EPHA5: variants seen among roughly 807,000 people sequenced by gnomAD.
The protein encoded by EPHA5 is EPH receptor A5, also known as ephrin type-A receptor 5.
A neutral mutation model predicts 105.0 loss-of-function variants in EPHA5; 60 were observed. The ratio of observed to expected loss-of-function variants is 0.57; its 90% confidence interval spans 0.46 to 0.71. The LOEUF (loss-of-function observed/expected upper bound fraction) is 0.71. Among genes scored for constraint, EPHA5 ranks in the 30% least tolerant of loss-of-function variants. EPHA5 has a pLI of 0.00. For missense variants in EPHA5, 1,218 were observed against 1,274.7 expected (o/e 0.96, Z 0.68); for synonymous variants, 513 against 449.1 (o/e 1.14, Z -1.80).
intron 5 of EPHA5, among the ~76,000 whole-genome samples, chr4:65,422,192 T>C (rs1724009833): frequency 3.3e-5 from 5 of 152,224 alleles, no homozygotes; most frequent in Admixed American, 3.3e-4. Flanking sequence ...AGACCATTTC[T>C]GAGCTCAGAA....
chr4:65,397,183 C>T (rs1721326845), intron 8 of EPHA5, among the ~76,000 whole-genome samples: 1 of 152,132 alleles, frequency 6.6e-6, no homozygotes, highest in Non-Finnish European at 1.5e-5. Context: ...GACTGATGGG[C>T]CCTGGGGTAC....
intron 8 of EPHA5, among the ~76,000 whole-genome samples, chr4:65,388,892 G>T (rs1426435677): frequency 4.0e-5 from 6 of 151,860 alleles, no homozygotes; most frequent in African/African-American, 9.7e-5. Context: ...CCTTGCCCAT[G>T]CCTATGTCCT....
rs766169710 is a variant in EPHA5, at chr4:65,322,832, G to A, written c.*1282C>T. 8.7e-6 allele frequency: 2 copies of A among 228,708 alleles called. No individual in the cohort carries two copies. The highest frequency in any genetic ancestry group is 2.2e-5 in the African/African-American group (1 of 45,016). 14.2% of individuals were successfully genotyped at this position (228,708 alleles called of 1,614,324 possible). On this transcript the variant is annotated 3_prime_UTR_variant, in exon 17 of 17. Coordinates refer to ENST00000613740, the MANE Select transcript of EPHA5 (RefSeq NM_001281766.3). ...GAAATAAGCATATATATATATTTGT[G>A]TGTGTGTATGTGTATATATATATAT...
chr4:65,561,456 G>A (rs1327973707), intron 3 of EPHA5, among the ~76,000 whole-genome samples: 1 of 152,062 alleles, frequency 6.6e-6, no homozygotes, highest in Non-Finnish European at 1.5e-5. Context: ...TCATTCATAG[G>A]CAGGGAGTAG....
At chr4:65,332,430 A>G (rs1358912599) in intron 15 of EPHA5, among the ~76,000 whole-genome samples, 2 of 151,992 alleles carry the variant, frequency 1.3e-5, no homozygotes, top group Middle Eastern at 3.4e-3. Flanking sequence ...AGATGAACAC[A>G]GAATTTTTAG....
At chr4:65,330,371 A>G (rs1178359686) in intron 16 of EPHA5, among the ~76,000 whole-genome samples, 6 of 151,534 alleles carry the variant, frequency 4.0e-5, no homozygotes, top group African/African-American at 1.4e-4. Context: ...AAAATGTGAA[A>G]CTATAATGCT....
At chr4:65,402,348 G>A (rs1427018344) in intron 8 of EPHA5, among the ~76,000 whole-genome samples, 9 of 152,094 alleles carry the variant, frequency 5.9e-5, no homozygotes, top group South Asian at 2.1e-4. Flanking sequence ...ATGTGCGCAC[G>A]TATGCACTAA....
intron 8 of EPHA5, among the ~76,000 whole-genome samples, chr4:65,383,213 T>C (rs1431374265): frequency 8.1e-6 from 1 of 123,956 alleles, no homozygotes; most frequent in Non-Finnish European, 1.7e-5. Flanking sequence ...ATGATGCATA[T>C]ATGATATACA....
At chr4:65,604,165 C>T (rs1744004173) in intron 2 of EPHA5, among the ~76,000 whole-genome samples, 1 of 152,152 alleles carries the variant, frequency 6.6e-6, no homozygotes, top group Non-Finnish European at 1.5e-5. Flanking sequence ...TAGGATCCTC[C>T]TAGCAAGTAA....
At chr4:65,447,745 A>C (rs1222817374) in intron 5 of EPHA5, among the ~76,000 whole-genome samples, 1 of 151,990 alleles carries the variant, frequency 6.6e-6, no homozygotes, top group Non-Finnish European at 1.5e-5. Context: ...AAAACTAAAA[A>C]CAATTGGGAA....
At chr4:65,480,159 G>C (rs528410002) in intron 5 of EPHA5, among the ~76,000 whole-genome samples, 14 of 152,134 alleles carry the variant, frequency 9.2e-5, no homozygotes, top group African/African-American at 2.6e-4. Flanking sequence ...GAGAGGGAGA[G>C]AGGATGAACA....
At chr4:65,528,513 T>G (rs976546950) in intron 3 of EPHA5, among the ~76,000 whole-genome samples, 2 of 152,140 alleles carry the variant, frequency 1.3e-5, no homozygotes, top group African/African-American at 2.4e-5. Context: ...CCGTAGAGAA[T>G]TCAATGTGTA....
chr4:65,503,908 TACACACACACAC>T (rs34693427), intron 3 of EPHA5, among the ~76,000 whole-genome samples: 7 of 145,356 alleles, frequency 4.8e-5, no homozygotes, highest in African/African-American at 7.6e-5. Flanking sequence ...ATGTGTGTGA[TACACACACACAC>T]ACACACACAC....
intron 3 of EPHA5, among the ~76,000 whole-genome samples, chr4:65,555,807 G>A (rs1418891143): frequency 7.1e-6 from 1 of 140,952 alleles, no homozygotes; most frequent in Non-Finnish European, 1.5e-5. Context: ...AGGAGTACTA[G>A]GATAACATTC....
rs982353893 is a variant in EPHA5 at position 65,509,052 on chromosome 4, C to A, written c.911-13509G>T. Reference sequence around the variant, plus strand: ...TTTGAATTGAAAATCTTTAAATTAGCAAAACCAACTGGCTAATGAAGTTCA... The same window carrying A: ...TTTGAATTGAAAATCTTTAAATTAGAAAAACCAACTGGCTAATGAAGTTCA... On this transcript the variant is annotated intron_variant, in intron 3 of 16. Coordinates refer to ENST00000613740, the MANE Select transcript of EPHA5 (RefSeq NM_001281766.3). 2.6e-5 allele frequency among the ~76,000 whole-genome samples: 4 copies of A among 152,078 alleles called. No individual in the cohort carries two copies. The East Asian group carries it at 7.7e-4, about 29-fold the overall frequency.
At chr4:65,587,036 T>G (rs1742188783) in intron 3 of EPHA5, among the ~76,000 whole-genome samples, 1 of 152,134 alleles carries the variant, frequency 6.6e-6, no homozygotes, top group Non-Finnish European at 1.5e-5. Flanking sequence ...GCTTTTGCTT[T>G]TAATTGTCTT....
chr4:65,479,912 G>A (rs1490508964), intron 5 of EPHA5, among the ~76,000 whole-genome samples: 1 of 152,088 alleles, frequency 6.6e-6, no homozygotes, highest in East Asian at 1.9e-4. Flanking sequence ...TTGCTCTTTA[G>A]TGTAGATAAA....
intron 6 of EPHA5, among the ~76,000 whole-genome samples, chr4:65,419,786 T>C (rs1723765190): frequency 6.6e-6 from 1 of 152,140 alleles, no homozygotes; most frequent in South Asian, 2.1e-4. Context: ...CTTTCATCAA[T>C]AGCTCACTTG....
chr4:65,506,935 C>T (rs374843714), intron 3 of EPHA5, among the ~76,000 whole-genome samples: 1 of 152,180 alleles, frequency 6.6e-6, no homozygotes, highest in South Asian at 2.1e-4. Context: ...ACATGAAGTC[C>T]TTGCCCATGC....
Sources: gnomAD v4.1 joint callset for allele counts (sites outside exome capture counted in the v4.1 genomes callset) on GRCh38, gnomAD v4.1.1 for gene constraint, MANE v1.5 for transcripts, NCBI Gene and HGNC (gene_info 2026-07-23, HGNC 2026-07-21) for gene names.